Variants in POSTN observed in about 807,000 individuals in gnomAD.
POSTN encodes periostin, also known as osteoblast specific factor 2 (fasciclin I-like).
A neutral mutation model predicts 104.5 loss-of-function variants in POSTN; 71 were observed. That is an observed-to-expected ratio of 0.68 (90% CI 0.56 to 0.83). The LOEUF is 0.83. POSTN is among the 40% of genes least tolerant of loss of function. The probability of loss-of-function intolerance (pLI) is 0.00; values close to 1 mark genes in which losing one functional copy is unlikely to be tolerated. For missense variants in POSTN, 949 were observed against 1,006.8 expected, an observed-to-expected ratio of 0.94 and a Z score of 0.78; for synonymous variants, 355 against 340.7, an observed-to-expected ratio of 1.04 and a Z score of -0.46.
chr13:37,576,025 G>A (rs1950399276), intron 16 of POSTN, among the ~76,000 whole-genome samples: 1 of 152,026 alleles, frequency 6.6e-6, no homozygotes, highest in African/African-American at 2.4e-5. Context: ...CAGCTGGTTG[G>A]TAGTTTTCAT....
chr13:37,564,651 T>C, intron 21 of POSTN, 91 bp from the exon 22 acceptor site: 1 of 632,220 alleles, frequency 1.6e-6, no homozygotes, highest in South Asian at 2.2e-5. Flanking sequence ...TGTAAAGTCT[T>C]AAATAAGTAT....
intron 22 of POSTN, 112 bp downstream of exon 22, chr13:37,564,407 C>T (rs2082126378): frequency 3.1e-6 from 2 of 646,838 alleles, no homozygotes; most frequent in African/African-American, 3.7e-5. Context: ...GCTTTTCTCT[C>T]TGATCGATAA....
At chr13:37,578,095 A>G (rs1458788663) in intron 15 of POSTN, among the ~76,000 whole-genome samples, 16 of 152,186 alleles carry the variant, frequency 1.1e-4, no homozygotes, top group Non-Finnish European at 2.4e-4. Context: ...TTGAAAAAGA[A>G]GAAAAATATT....
chr13:37,578,020 A>C (rs1161088721), intron 15 of POSTN, among the ~76,000 whole-genome samples: 1 of 152,140 alleles, frequency 6.6e-6, no homozygotes, highest in East Asian at 1.9e-4. Context: ...TTATATAATA[A>C]TTAATCCAAA....
Position 37,586,259 on chromosome 13 carries a change from T to A in POSTN, c.775A>T (p.Ile259Leu). ...CCGTCTCTTCCAAGGGCCTCCAATA[T>A]GTCCGATGTGATGGCAGCTGCCTGA... The part of the protein sequence containing the change: ...SFRAAAITSD[I>L]LEALGRDGHF... The change falls in exon 7 of 23, where the codon ATA becomes TTA. Residue 259 changes from isoleucine to leucine, a missense_variant. Physicochemically the swap from Ile to Leu is conservative, Grantham distance 5. Transcript: ENST00000379747. The A allele has an allele frequency of 6.2e-7, 1 of 1,611,380 alleles. No individual in the cohort carries two copies.
intron 7 of POSTN, among the ~76,000 whole-genome samples, 157 bp downstream of exon 7, chr13:37,585,982 T>A (rs965052845): frequency 9.2e-5 from 14 of 152,202 alleles, no homozygotes; most frequent in African/African-American, 3.4e-4. Context: ...CTCTGCCTAC[T>A]CTTTTAAGGA....
In POSTN at chr13:37,579,042, AC is replaced by A. The variant is rs1454555494; in HGVS notation, c.1870del (p.Val624Ter). On this transcript the variant is annotated frameshift_variant, in exon 14 of 23. Transcript: ENST00000379747. LOFTEE classifies it high-confidence loss of function. ...ACCTGCTGGATAGAGGAGTTTATCTACAACATGAATTACACCATTTGTTGTC... is the reference window on the plus strand; with the variant it reads ...ACCTGCTGGATAGAGGAGTTTATCTAAACATGAATTACACCATTTGTTGTC... ...IMTTNGVIHV[V>X]DKLLYPADTP... The A allele has an allele frequency of 5.6e-6, 9 of 1,613,456 alleles. No individual in the cohort carries two copies. Among genetic ancestry groups the A allele is most frequent in the Non-Finnish European group, 1.7e-6 (2 of 1,179,674 alleles).
At chr13:37,569,882 G>T (rs1423894741) in intron 19 of POSTN, 61 bp from the exon 20 acceptor site, 2 of 1,128,974 alleles carry the variant, frequency 1.8e-6, no homozygotes, top group Non-Finnish European at 2.6e-6. Flanking sequence ...TCTGCGAAGT[G>T]ACAGAGAGTA....
chr13:37,592,931 G>A (rs1271054144), intron 2 of POSTN, among the ~76,000 whole-genome samples: 1 of 151,962 alleles, frequency 6.6e-6, no homozygotes, highest in Non-Finnish European at 1.5e-5. Context: ...ATTGGAGTCC[G>A]TAACATGCTA....
intron 10 of POSTN, among the ~76,000 whole-genome samples, chr13:37,580,953 AAGTTCC>A (rs1238992565): frequency 6.6e-6 from 1 of 152,196 alleles, no homozygotes; most frequent in Non-Finnish European, 1.5e-5. Context: ...TAAATTACAA[AAGTTCC>A]ATGGAATCCC....
chr13:37,564,770 G>C (rs1950042564), intron 21 of POSTN: 1 of 380,954 alleles, frequency 2.6e-6, no homozygotes, highest in African/African-American at 2.1e-5. Context: ...ATATCATAAT[G>C]AATGTTTCTT....
intron 2 of POSTN, among the ~76,000 whole-genome samples, chr13:37,595,121 A>G (rs1031301675): frequency 3.3e-5 from 5 of 150,838 alleles, no homozygotes; most frequent in Non-Finnish European, 7.4e-5. Context: ...TCTCTCATAT[A>G]TTTAGATGGT....
At chr13:37,588,229 T>C (rs929162716) in intron 4 of POSTN, among the ~76,000 whole-genome samples, 1 of 152,104 alleles carries the variant, frequency 6.6e-6, no homozygotes, top group Non-Finnish European at 1.5e-5. Flanking sequence ...AAAGTGAATA[T>C]GTTGATGAAG....
At chr13:37,591,815 G>C (rs1247392406) in intron 3 of POSTN, among the ~76,000 whole-genome samples, 1 of 152,126 alleles carries the variant, frequency 6.6e-6, no homozygotes, top group African/African-American at 2.4e-5. Context: ...TCCTAGACAA[G>C]TTCAAAGAAC....
intron 3 of POSTN, among the ~76,000 whole-genome samples, chr13:37,590,817 AATAATTCAATT>A (rs1223735772): frequency 3.9e-5 from 6 of 152,176 alleles, no homozygotes; most frequent in Non-Finnish European, 7.4e-5. Flanking sequence ...CTATGTCAAT[AATAATTCAATT>A]ATAATTCAAT....
intron 21 of POSTN, among the ~76,000 whole-genome samples, chr13:37,566,965 G>A (rs181736000): frequency 3.0e-4 from 46 of 151,880 alleles, no homozygotes; most frequent in African/African-American, 1.0e-3. Context: ...GGCCGGGCGC[G>A]GTGGCTCACG....
intron 6 of POSTN, among the ~76,000 whole-genome samples, 179 bp from the exon 7 acceptor site, chr13:37,586,459 T>C (rs571261429): frequency 6.6e-6 from 1 of 152,318 alleles, no homozygotes; most frequent in African/African-American, 2.4e-5. Flanking sequence ...TTTCTTCAAA[T>C]TGTGTTTGCA....
Position 37,577,811 on chromosome 13 carries a change from G to T in POSTN, c.1963-13C>A, listed in dbSNP as rs1480147386. 7.4e-6 allele frequency: 12 copies of T among 1,613,128 alleles called. No individual in the cohort carries two copies. The highest frequency in any genetic ancestry group is 1.3e-5 in the African/African-American group (1 of 75,002). On this transcript the variant is annotated splice_polypyrimidine_tract_variant and intron_variant, in intron 15 of 22. Transcript: ENST00000379747. ...TACCACGAACAAACTGAAAATAAAT[G>T]TTTATATTTAGTAACATGAAAGGTG...
chr13:37,593,700 A>G (rs991892969), intron 2 of POSTN, among the ~76,000 whole-genome samples: 4 of 151,546 alleles, frequency 2.6e-5, no homozygotes, highest in African/African-American at 9.7e-5. Context: ...CATGAAAGAG[A>G]TCGCCAAGTA....
Sources: gnomAD v4.1 joint callset for allele counts (sites outside exome capture counted in the v4.1 genomes callset) on GRCh38, gnomAD v4.1.1 for gene constraint, MANE v1.5 for transcripts, NCBI Gene and HGNC (gene_info 2026-07-23, HGNC 2026-07-21) for gene names.